SH3KBP1: variants seen among roughly 807,000 people sequenced by gnomAD.
SH3KBP1 encodes SH3 domain containing kinase binding protein 1.
Under a neutral mutation model 50.1 loss-of-function variants are expected in SH3KBP1, and 8 were observed. That is an observed-to-expected ratio of 0.16 (90% CI 0.09 to 0.29). SH3KBP1 has a LOEUF of 0.29. SH3KBP1 is among the 10% of genes least tolerant of loss of function. SH3KBP1 has a pLI of 1.00. For synonymous variants in SH3KBP1, 227 were observed against 218.6 expected (o/e 1.04, Z -0.34); for missense variants, 377 against 535.2 (o/e 0.70, Z 2.92).
chrX:19,866,976 C>T (rs189474179), intron 1 of SH3KBP1, among the ~76,000 whole-genome samples: 16 of 111,096 alleles, frequency 1.4e-4, no homozygotes, highest in Non-Finnish European at 3.0e-4. Flanking sequence ...CCAACATGCA[C>T]TCGAGCAGAA....
At chrX:19,604,563 T>G (rs1344313887) in intron 9 of SH3KBP1, among the ~76,000 whole-genome samples, 1 of 112,161 alleles carries the variant, frequency 8.9e-6, no homozygotes, top group Non-Finnish European at 1.9e-5. Context: ...GTAACCCCAG[T>G]CACTGGCAAG....
chrX:19,592,004 C>T (rs1195800680), intron 11 of SH3KBP1, 63 bp downstream of exon 11: 24 of 904,861 alleles, frequency 2.7e-5, no homozygotes, highest in East Asian at 3.1e-5. Context: ...CTGGACTAGC[C>T]GTGTAACAGA....
intron 3 of SH3KBP1, among the ~76,000 whole-genome samples, chrX:19,745,507 C>G (rs1225929182): frequency 8.9e-6 from 1 of 111,904 alleles, no homozygotes; most frequent in Non-Finnish European, 1.9e-5. Context: ...CTTTGCTAAT[C>G]TAGTTCCTGT....
intron 8 of SH3KBP1, among the ~76,000 whole-genome samples, chrX:19,626,741 T>C (rs1293816351): frequency 9.0e-6 from 1 of 110,711 alleles, no homozygotes; most frequent in Non-Finnish European, 1.9e-5. Flanking sequence ...CTAATTTTTG[T>C]ATTTTTTGGT....
At chrX:19,770,630 A>G (rs1485748196) in intron 2 of SH3KBP1, among the ~76,000 whole-genome samples, 1 of 111,069 alleles carries the variant, frequency 9.0e-6, no homozygotes, top group Non-Finnish European at 1.9e-5. Context: ...TGCTTTCCAC[A>G]GTGGTTGAAC....
At chrX:19,749,145 T>C (rs2065001109) in intron 2 of SH3KBP1, among the ~76,000 whole-genome samples, 1 of 112,420 alleles carries the variant, frequency 8.9e-6, no homozygotes, top group South Asian at 3.7e-4. Flanking sequence ...AAACAAGTGT[T>C]GATGAGGATG....
intron 4 of SH3KBP1, among the ~76,000 whole-genome samples, chrX:19,696,907 A>G (rs1261956403): frequency 8.9e-6 from 1 of 112,128 alleles, no homozygotes; most frequent in Non-Finnish European, 1.9e-5. Context: ...TGCATTCAGT[A>G]GGAACCATAC....
At chrX:19,795,695 G>A (rs2066687332) in intron 2 of SH3KBP1, among the ~76,000 whole-genome samples, 2 of 111,681 alleles carry the variant, frequency 1.8e-5, no homozygotes, top group Non-Finnish European at 3.8e-5. Context: ...TATGGAGTAA[G>A]CTGTTTGTGC....
intron 9 of SH3KBP1, among the ~76,000 whole-genome samples, chrX:19,604,358 G>A (rs964458706): frequency 1.7e-4 from 19 of 111,878 alleles, no homozygotes; most frequent in African/African-American, 4.2e-4. Context: ...AGCACTCTCC[G>A]AAAGAAAGAT....
At chrX:19,631,267 T>C (rs1354468666) in intron 8 of SH3KBP1, among the ~76,000 whole-genome samples, 6 of 112,876 alleles carry the variant, frequency 5.3e-5, no homozygotes, top group Non-Finnish European at 7.5e-5. Context: ...GTGAGTACCA[T>C]TGTGTGAAAG....
In SH3KBP1 at chrX:19,698,435, C is replaced by T. The variant is rs141805697; in HGVS notation, c.391-2694G>A. Among the ~76,000 whole-genome samples, 277 of 112,442 alleles carry T rather than the reference C, an allele frequency of 2.5e-3. 1 individual carries two copies. Among genetic ancestry groups the T allele is most frequent in the Non-Finnish European group, 3.8e-3 (203 of 53,248 alleles). On this transcript the variant is annotated intron_variant, in intron 4 of 17. Transcript: ENST00000397821. ...AAACAGACGTATCTTCACCTCACCA[C>T]ACCCTCAGATGCCAGTATCACTGTC...
intron 6 of SH3KBP1, among the ~76,000 whole-genome samples, chrX:19,682,723 T>TCTGC (rs1189776291): frequency 9.1e-6 from 1 of 110,138 alleles, no homozygotes; most frequent in Non-Finnish European, 1.9e-5. Flanking sequence ...TTTCTAGGTA[T>TCTGC]CTGCCCTTTC....
chrX:19,683,690 C>T, intron 6 of SH3KBP1, 133 bp downstream of exon 6: 1 of 554,598 alleles, frequency 1.8e-6, no homozygotes, highest in East Asian at 3.4e-5. Context: ...AAAAAGAAGA[C>T]AGGACAAACA....
At chrX:19,685,741 T>C (rs1261107178) in intron 5 of SH3KBP1, among the ~76,000 whole-genome samples, 1 of 111,808 alleles carries the variant, frequency 8.9e-6, no homozygotes, top group Non-Finnish European at 1.9e-5. Flanking sequence ...ATGGATTCTT[T>C]CTATGTGATA....
Position 19,699,459 on chromosome X carries a change from G to C in SH3KBP1, c.391-3718C>G, listed in dbSNP as rs763597581. Reference sequence around the variant, plus strand: ...ACAAATCCCACCTGTGTCCCTCTACGACCAACCCAGTCAGCTCTGGAGCCC... The same window carrying C: ...ACAAATCCCACCTGTGTCCCTCTACCACCAACCCAGTCAGCTCTGGAGCCC... On this transcript the variant is annotated intron_variant, in intron 4 of 17. Coordinates refer to ENST00000397821, the MANE Select transcript of SH3KBP1 (RefSeq NM_031892.3). 1.3e-4 allele frequency among the ~76,000 whole-genome samples: 14 copies of C among 111,757 alleles called. No individual in the cohort carries two copies. The South Asian group carries it at 4.8e-3, about 39-fold the overall frequency.
intron 6 of SH3KBP1, among the ~76,000 whole-genome samples, chrX:19,665,771 C>A (rs1419726418): frequency 8.9e-6 from 1 of 111,820 alleles, no homozygotes; most frequent in Non-Finnish European, 1.9e-5. Context: ...CACCACCATG[C>A]AGTCAAAGTA....
At position 19,765,547 on chromosome X, in the gene SH3KBP1, A is replaced by T. The variant is rs1012085162; in HGVS notation, c.163-19106T>A. Among the ~76,000 whole-genome samples, 19 of 111,626 alleles carry T rather than the reference A, an allele frequency of 1.7e-4. No homozygotes were observed. The Middle Eastern group carries it at 0.019, about 109-fold the overall frequency. ...CTTACTGCCTCCCTTTTTAAAAAAA[A>T]TTTTTTTTAATTGTGGTAAATACAC... On this transcript the variant is annotated intron_variant, in intron 2 of 17. Coordinates refer to ENST00000397821, the MANE Select transcript of SH3KBP1 (RefSeq NM_031892.3).
intron 1 of SH3KBP1, among the ~76,000 whole-genome samples, chrX:19,861,691 A>T (rs190797654): frequency 5.8e-4 from 64 of 111,038 alleles, no homozygotes; most frequent in African/African-American, 2.0e-3. Flanking sequence ...AAAGATTAGG[A>T]CAAAAAAGGA....
chrX:19,755,876 C>A (rs1328084620), intron 2 of SH3KBP1, among the ~76,000 whole-genome samples: 1 of 111,284 alleles, frequency 9.0e-6, no homozygotes, highest in Non-Finnish European at 1.9e-5. Flanking sequence ...TTCTGATTAC[C>A]GCTGCATGCA....
Sources: allele counts gnomAD v4.1 joint callset (sites outside exome capture counted in the v4.1 genomes callset), GRCh38; gene constraint gnomAD v4.1.1; transcripts MANE v1.5; gene names NCBI Gene and HGNC (gene_info 2026-07-23, HGNC 2026-07-21).